SACS: variants seen among roughly 807,000 people sequenced by gnomAD.
SACS encodes sacsin molecular chaperone.
In SACS, 197 loss-of-function variants were observed where a neutral mutation model predicts 348.0. The observed-to-expected ratio is 0.57, with a 90% CI of 0.50 to 0.64. The LOEUF (loss-of-function observed/expected upper bound fraction) is 0.64. SACS is among the 30% of genes least tolerant of loss of function. SACS has a pLI of 0.00. For missense variants in SACS, 4,999 were observed against 5,360.8 expected, an observed-to-expected ratio of 0.93 and a Z score of 2.11; for synonymous variants, 1,985 against 1,910.6, an observed-to-expected ratio of 1.04 and a Z score of -1.02.
chr13:23,387,614 A>G (rs1872349851), intron 2 of SACS, among the ~76,000 whole-genome samples: 1 of 152,124 alleles, frequency 6.6e-6, no homozygotes, highest in African/African-American at 2.4e-5. Context: ...TTTGGTCCTC[A>G]TAGACGGCTG....
chr13:23,369,623 C>A (rs1197134795), intron 4 of SACS, among the ~76,000 whole-genome samples: 1 of 151,902 alleles, frequency 6.6e-6, no homozygotes, highest in Non-Finnish European at 1.5e-5. Flanking sequence ...CAGCTCACTG[C>A]AAGCTCCTTC....
At chr13:23,394,683 A>G (rs998046375) in intron 2 of SACS, among the ~76,000 whole-genome samples, 1 of 152,136 alleles carries the variant, frequency 6.6e-6, no homozygotes, top group African/African-American at 2.4e-5. Flanking sequence ...GTGAAACCCC[A>G]TCTCTGCTAA....
chr13:23,353,838 T>C lies in SACS; in HGVS notation c.2132A>G (p.Asp711Gly), dbSNP rs768985397. Residue 711 changes from aspartate (D) to glycine (G), a missense_variant, in exon 9 of 10, where the codon GAT (aspartate) becomes GGT (glycine). Physicochemically the swap from Asp to Gly is moderately conservative, Grantham distance 94 (BLOSUM62 -1). This residue lies in a region of SACS where 3,156 missense variants were observed against 3,380.1 expected (regional missense o/e 0.93). Coordinates refer to ENST00000382292, the MANE Select transcript of SACS (RefSeq NM_014363.6). ...AGCCACAAGGTGAGGTTTCAAGTTA[T>C]CCAAAATAAATCTTCCTTCAAGACT... ...FPSLEGRFIL[D>G]NLKPHLVAAL... 6.2e-7 allele frequency: 1 copy of C among 1,611,348 alleles called. No individual in the cohort carries two copies.
intron 1 of SACS, among the ~76,000 whole-genome samples, chr13:23,433,215 C>A (rs989480204): frequency 6.6e-6 from 1 of 152,144 alleles, no homozygotes; most frequent in Non-Finnish European, 1.5e-5. Context: ...CGCTGTGTTA[C>A]TGCAACAGCT....
chr13:23,375,865 G>A (rs569285108), intron 2 of SACS, among the ~76,000 whole-genome samples: 2 of 152,274 alleles, frequency 1.3e-5, no homozygotes, highest in South Asian at 4.1e-4. Context: ...CAGGTGCGTT[G>A]TCCCTTTTAG....
intron 2 of SACS, among the ~76,000 whole-genome samples, chr13:23,387,226 G>A (rs753582478): frequency 6.6e-6 from 1 of 151,982 alleles, no homozygotes; most frequent in Non-Finnish European, 1.5e-5. Flanking sequence ...TTGGGAGGCC[G>A]AGGAAGGCAG....
intron 1 of SACS, among the ~76,000 whole-genome samples, chr13:23,413,279 G>A (rs1346249655): frequency 1.3e-5 from 2 of 152,168 alleles, no homozygotes; most frequent in African/African-American, 2.4e-5. Context: ...CGCCCGGCCG[G>A]CAAACTTTAT....
chr13:23,388,867 C>G (rs1475359398), intron 2 of SACS, among the ~76,000 whole-genome samples: 1 of 151,798 alleles, frequency 6.6e-6, no homozygotes, highest in African/African-American at 2.4e-5. Context: ...CCACTTGTAT[C>G]CCTAAAACTA....
At chr13:23,374,215 C>T (rs911883276) in intron 3 of SACS, among the ~76,000 whole-genome samples, 1 of 152,206 alleles carries the variant, frequency 6.6e-6, no homozygotes, top group African/African-American at 2.4e-5. Context: ...AGCATGAAAA[C>T]AGGTAATAAA....
chr13:23,406,781 A>C (rs1873241135), intron 2 of SACS, among the ~76,000 whole-genome samples: 1 of 152,256 alleles, frequency 6.6e-6, no homozygotes, highest in Non-Finnish European at 1.5e-5. Flanking sequence ...GTAAATAATC[A>C]GGCCAAATCT....
chr13:23,422,834 A>C (rs1447642112), intron 1 of SACS, among the ~76,000 whole-genome samples: 1 of 152,152 alleles, frequency 6.6e-6, no homozygotes, highest in Non-Finnish European at 1.5e-5. Flanking sequence ...CACATACTAG[A>C]AACATGTTTT....
intron 2 of SACS, among the ~76,000 whole-genome samples, chr13:23,402,109 C>T (rs1202051993): frequency 5.3e-5 from 8 of 149,700 alleles, no homozygotes; most frequent in African/African-American, 2.0e-4. Context: ...ACCTGGAAGG[C>T]GGAGCTTGCA....
intron 1 of SACS, among the ~76,000 whole-genome samples, chr13:23,423,295 G>T (rs1010826620): frequency 2.6e-5 from 4 of 152,140 alleles, no homozygotes; most frequent in Non-Finnish European, 5.9e-5. Context: ...TTTGTGATGT[G>T]CTGTCTCACA....
chr13:23,336,097 G>C lies in SACS; in HGVS notation c.7779C>G (p.Asn2593Lys). 1 of 1,611,186 alleles carries C rather than the reference G, an allele frequency of 6.2e-7. No homozygotes were observed. The highest frequency in any genetic ancestry group is 8.5e-7 in the Non-Finnish European group (1 of 1,177,812). ...TAACATCATCTTCTGTAAATGGCTG[G>C]TTGTTGTACACACAAAGTGCTGGCC... ...LQGPALCVYN[N>K]QPFTEDDVRG... The change falls in exon 10 of 10, where the codon AAC (asparagine) becomes AAG (lysine). Residue 2593 changes from asparagine to lysine, a missense_variant. This residue lies in a region of SACS where 3,156 missense variants were observed against 3,380.1 expected (regional missense o/e 0.93). Transcript: ENST00000382292.
intron 9 of SACS, among the ~76,000 whole-genome samples, chr13:23,343,892 T>C (rs1450660063): frequency 6.6e-6 from 1 of 152,164 alleles, no homozygotes; most frequent in African/African-American, 2.4e-5. Flanking sequence ...ATTACTGCCA[T>C]AGAAATTTAA....
Position 23,334,780 on chromosome 13 carries a change from C to T in SACS, c.9096G>A (p.Gln3032=). The stretch of plus-strand genomic sequence containing the variant: ...CATTTTTAAGGTGTTGTAATTCATC[C>T]TGTAGTAAATTGTCAAAAAATGGTC... ...KTRPFFDNLL[Q]DELQHLKNAD... is the part of the protein sequence containing the mutation. The change falls in exon 10 of 10, where the codon CAG becomes CAA. Residue 3032 remains glutamine, a synonymous_variant. Coordinates refer to ENST00000382292, the MANE Select transcript of SACS (RefSeq NM_014363.6). 1 of 1,613,658 alleles carries T rather than the reference C, an allele frequency of 6.2e-7. No homozygotes were observed. The highest frequency in any genetic ancestry group is 8.5e-7 in the Non-Finnish European group (1 of 1,179,732).
intron 2 of SACS, among the ~76,000 whole-genome samples, chr13:23,398,462 A>C (rs1379424586): frequency 6.7e-6 from 1 of 148,176 alleles, no homozygotes; most frequent in African/African-American, 2.5e-5. Context: ...TGAACCAAGG[A>C]GGCAAAGGTT....
intron 2 of SACS, among the ~76,000 whole-genome samples, chr13:23,380,122 C>CGTGTGTGTGTGTGTGTGTGTGTGT (rs34243922): frequency 1.7e-5 from 2 of 116,416 alleles, no homozygotes; most frequent in African/African-American, 5.8e-5. Flanking sequence ...GGGATTCCCT[C>CGTGTGTGTGTGTGTGTGTGTGTGT]GTGTGTGTGT....
chr13:23,344,863 A>G (rs1358398603), intron 9 of SACS, among the ~76,000 whole-genome samples: 1 of 152,234 alleles, frequency 6.6e-6, no homozygotes, highest in African/African-American at 2.4e-5. Flanking sequence ...GTTCAAAATA[A>G]TAACATCAAC....
Sources: allele counts gnomAD v4.1 joint callset (sites outside exome capture counted in the v4.1 genomes callset), GRCh38; gene constraint gnomAD v4.1.1; regional missense constraint gnomAD v4.1.1; transcripts MANE v1.5; gene names NCBI Gene and HGNC (gene_info 2026-07-23, HGNC 2026-07-21).